ACBD5: variants seen among roughly 807,000 people sequenced by gnomAD.
ACBD5 encodes the protein acyl-CoA binding domain containing 5.
Under a neutral mutation model 71.8 loss-of-function variants are expected in ACBD5, and 40 were observed. That is an observed-to-expected ratio of 0.56 (90% CI 0.43 to 0.72). The LOEUF (loss-of-function observed/expected upper bound fraction) is 0.72, where lower values mean the gene tolerates loss of function less well. Among genes scored for constraint, ACBD5 ranks in the 30% least tolerant of loss-of-function variants. ACBD5 has a pLI of 0.00. For missense variants in ACBD5, 559 were observed against 644.5 expected, an observed-to-expected ratio of 0.87 and a Z score of 1.44; for synonymous variants, 229 against 218.6, an observed-to-expected ratio of 1.05 and a Z score of -0.42.
chr10:27,236,851 C>T (rs532653454), intron 2 of ACBD5, among the ~76,000 whole-genome samples: 1 of 134,658 alleles, frequency 7.4e-6, no homozygotes, highest in South Asian at 2.4e-4. Context: ...CACCACTGCA[C>T]TACAGCCTGG....
chr10:27,188,645 A>G (rs1350501449), intron 13 of ACBD5, among the ~76,000 whole-genome samples: 1 of 152,236 alleles, frequency 6.6e-6, no homozygotes, highest in African/African-American at 2.4e-5. Flanking sequence ...GTTTACTAAC[A>G]GACCTAGCAT....
At chr10:27,199,820 T>A (rs1291981348) in intron 12 of ACBD5, among the ~76,000 whole-genome samples, 1 of 151,930 alleles carries the variant, frequency 6.6e-6, no homozygotes, top group African/African-American at 2.4e-5. Context: ...ATCCTGGCCG[T>A]CTCTACTAAA....
intron 4 of ACBD5, among the ~76,000 whole-genome samples, chr10:27,227,486 GAGTGACC>G (rs1185985540): frequency 6.6e-6 from 1 of 152,156 alleles, no homozygotes; most frequent in Non-Finnish European, 1.5e-5. Flanking sequence ...ACCTTTTGAA[GAGTGACC>G]TAGATATCAC....
At position 27,219,732 on chromosome 10, in the gene ACBD5, T is replaced by A; in HGVS notation, c.616A>T (p.Ser206Cys). The change falls in exon 6 of 13, where the codon AGT becomes TGT. Residue 206 changes from serine to cysteine, a missense_variant. By Grantham distance (112) the Ser-to-Cys change is moderately radical. Coordinates refer to ENST00000396271, the MANE Select transcript of ACBD5 (RefSeq NM_145698.5). ...AQEEVKGAEQ[S>C]DNDKKMMKKS... ...ATTTTCCAAACATTACCATTATCAC[T>A]TTGTTCTGCTCCTTTCACTTCTTCT... 1 of 1,614,014 alleles carries A rather than the reference T, an allele frequency of 6.2e-7. No homozygotes were observed. Among genetic ancestry groups the A allele is most frequent in the Non-Finnish European group, 8.5e-7 (1 of 1,179,914 alleles).
chr10:27,194,363 C>T (rs994701296), downstream of ACBD5, among the ~76,000 whole-genome samples: 8 of 151,746 alleles, frequency 5.3e-5, no homozygotes, highest in Non-Finnish European at 1.5e-5. Context: ...GTAATCCCAG[C>T]ACTTTGGGAG....
chr10:27,197,471 C>T (rs1257393608), intron 12 of ACBD5, 29 bp from the exon 13 acceptor site: 20 of 1,566,554 alleles, frequency 1.3e-5, no homozygotes, highest in Non-Finnish European at 1.7e-5. Flanking sequence ...AACCAATTTC[C>T]TGTGAGTATG....
At chr10:27,205,126 C>G (rs562065037) in intron 11 of ACBD5, 72 bp downstream of exon 11, 4 of 1,480,896 alleles carry the variant, frequency 2.7e-6, no homozygotes, top group South Asian at 2.3e-5. Context: ...GACTCCGTAT[C>G]AAACAAAAAC....
rs7900533 is a variant in ACBD5, at chr10:27,223,624, C to T, written c.376-172G>A. On this transcript the variant is annotated intron_variant, in intron 4 of 12. Coordinates refer to ENST00000396271, the MANE Select transcript of ACBD5 (RefSeq NM_145698.5). Reference sequence around the variant, plus strand: ...ATACTTAATGTATACACACTGTGGCCGGGCTAAGTGGTGGCTCATGCCTGT... The same window carrying T: ...ATACTTAATGTATACACACTGTGGCTGGGCTAAGTGGTGGCTCATGCCTGT... Among the ~76,000 whole-genome samples, 11,804 of 152,114 alleles carry T rather than the reference C, an allele frequency of 0.078. 665 individuals carry two copies. Among genetic ancestry groups the T allele is most frequent in the South Asian group, 0.18 (867 of 4,816 alleles).
In ACBD5 at chr10:27,225,801, G is replaced by A. The variant is rs545005081; in HGVS notation, c.376-2349C>T. Among the ~76,000 whole-genome samples, 6 of 151,894 alleles carry A rather than the reference G, an allele frequency of 4.0e-5. No homozygotes were observed. In the South Asian group the frequency reaches 1.2e-3, roughly 32 times the overall value. The stretch of plus-strand genomic sequence containing the variant: ...AGCACCCTTTACACTATCCCACACT[G>A]CCGTAATATAAAGACTTCAGTTAGC... On this transcript the variant is annotated intron_variant, in intron 4 of 12. Coordinates refer to ENST00000396271, the MANE Select transcript of ACBD5 (RefSeq NM_145698.5).
At chr10:27,207,508 A>C (rs2060593162) in intron 10 of ACBD5, among the ~76,000 whole-genome samples, 1 of 152,100 alleles carries the variant, frequency 6.6e-6, no homozygotes, top group Non-Finnish European at 1.5e-5. Flanking sequence ...ATCCCTACAA[A>C]TACTTCTTAA....
intron 13 of ACBD5, among the ~76,000 whole-genome samples, chr10:27,188,758 G>A (rs1259749958): frequency 1.3e-5 from 2 of 152,138 alleles, no homozygotes; most frequent in Non-Finnish European, 2.9e-5. Flanking sequence ...CTGTCAAGAT[G>A]TAGATTCAGA....
In ACBD5 at chr10:27,210,834, G is replaced by A. The variant is rs144318021; in HGVS notation, c.1184C>T (p.Ser395Phe). The A allele has an allele frequency of 6.2e-7, 1 of 1,614,020 alleles. No individual in the cohort carries two copies. Among genetic ancestry groups the A allele is most frequent in the Non-Finnish European group, 8.5e-7 (1 of 1,180,018 alleles). The part of the protein sequence containing the change: ...EKRGGETDEF[S>F]NVRRGRGHRM... ...CACACCTCTTCCTCTTCTAACATTA[G>A]AGAATTCGTCAGTTTCTCCGCCTCG... is the stretch of plus-strand genomic sequence containing the variant. The change falls in exon 9 of 13, where the codon TCT becomes TTT. Residue 395 changes from serine (S) to phenylalanine (F), a missense_variant. By Grantham distance (155) the Ser-to-Phe change is radical (BLOSUM62 -2). Transcript: ENST00000396271.
chr10:27,224,472 T>TAACAATAAGGTAGCG (rs1220344149), intron 4 of ACBD5, among the ~76,000 whole-genome samples: 3 of 152,176 alleles, frequency 2.0e-5, no homozygotes, highest in African/African-American at 7.2e-5. Context: ...GTCTGTTCTT[T>TAACAATAAGGTAGCG]AACAATAAGG....
chr10:27,195,800 G>T lies in ACBD5; in HGVS notation c.*1630C>A, dbSNP rs1476245207. 7.3e-6 allele frequency: 3 copies of T among 412,344 alleles called. No individual in the cohort carries two copies. Among genetic ancestry groups the T allele is most frequent in the South Asian group, 1.8e-5 (1 of 55,948 alleles). The allele number at this position is 412,344 out of a possible 1,614,324, so 25.5% of individuals were successfully genotyped here. A position where few individuals can be genotyped will look rare whatever the true frequency, so the allele number is the denominator to read the frequency against. ...GTAAATTGTATTCTTATACTTTTCAGGCAAACAAAGAACCATTCTGTATAC... is the reference window on the plus strand; with the variant it reads ...GTAAATTGTATTCTTATACTTTTCATGCAAACAAAGAACCATTCTGTATAC... On this transcript the variant is annotated 3_prime_UTR_variant, in exon 13 of 13. Transcript: ENST00000396271.
Position 27,240,759 on chromosome 10 carries a change from G to C in ACBD5, c.-71C>G, listed in dbSNP as rs1005092738. On this transcript the variant is annotated 5_prime_UTR_variant, in exon 1 of 13. Transcript: ENST00000396271. This position sits in a 1 kb window ranked among gnomAD's most constrained non-coding sequence, Gnocchi z 4.1. The stretch of plus-strand genomic sequence containing the variant: ...CCGCTCTCCCACCCTGGGGACCCTG[G>C]CGGAGCAGCCACACCCCCCATTCCG... The C allele has an allele frequency of 6.5e-7, 1 of 1,548,612 alleles. No homozygotes were observed. Among genetic ancestry groups the C allele is most frequent in the African/African-American group, 1.4e-5 (1 of 72,966 alleles).
chr10:27,193,845 T>C (rs938367678), downstream of ACBD5, among the ~76,000 whole-genome samples: 3 of 152,218 alleles, frequency 2.0e-5, no homozygotes, highest in African/African-American at 7.2e-5. Context: ...CCCAGTTACT[T>C]GGTCAAGCCA....
chr10:27,208,504 G>A (rs1220312605), intron 9 of ACBD5, 59 bp from the exon 10 acceptor site: 1 of 1,572,432 alleles, frequency 6.4e-7, no homozygotes, highest in Non-Finnish European at 8.7e-7. Context: ...GTAAAACTGT[G>A]TTTTATTCAT....
At chr10:27,197,863 T>G (rs979625757) in intron 12 of ACBD5, among the ~76,000 whole-genome samples, 2 of 152,120 alleles carry the variant, frequency 1.3e-5, no homozygotes, top group African/African-American at 4.8e-5. Context: ...ACTCCTGACC[T>G]CAGGTGATCT....
intron 8 of ACBD5, 128 bp downstream of exon 8, chr10:27,215,407 G>A: frequency 1.5e-6 from 1 of 677,036 alleles, no homozygotes; most frequent in South Asian, 1.7e-5. Flanking sequence ...AAATACAAAT[G>A]TTTAAACATT....
Sources: gnomAD v4.1 joint callset for allele counts (sites outside exome capture counted in the v4.1 genomes callset) on GRCh38, gnomAD v4.1.1 for gene constraint, Gnocchi (gnomAD v3.1) non-coding constraint, MANE v1.5 for transcripts, NCBI Gene and HGNC (gene_info 2026-07-23, HGNC 2026-07-21) for gene names.